The following MAP2 variants were observed in gnomAD, a reference collection of about 807,000 sequenced individuals.
The protein encoded by MAP2 is microtubule-associated protein 2.
MAP2 carries 14 observed loss-of-function variants against 137.6 expected under a neutral mutation model. That is an observed-to-expected ratio of 0.10 (90% CI 0.07 to 0.16). The LOEUF is 0.16. MAP2 is among the 10% of genes least tolerant of loss of function. The pLI is 1.00. For missense variants in MAP2, 2,088 were observed against 2,191.5 expected (o/e 0.95, Z 0.94); for synonymous variants, 786 against 782.3 (o/e 1.00, Z -0.08).
chr2:209,490,958 C>A (rs995101048), intron 1 of MAP2, among the ~76,000 whole-genome samples: 2 of 152,138 alleles, frequency 1.3e-5, no homozygotes, highest in African/African-American at 4.8e-5. Context: ...ACCCAATATA[C>A]ATCTATAGAA....
chr2:209,458,168 A>G (rs1559187009), intron 1 of MAP2, among the ~76,000 whole-genome samples: 1 of 152,062 alleles, frequency 6.6e-6, no homozygotes, highest in South Asian at 2.1e-4. Flanking sequence ...GCTTGGCTAT[A>G]CTCCCAGAAC....
chr2:209,598,974 G>C (rs1055698031), intron 3 of MAP2, among the ~76,000 whole-genome samples: 1 of 151,876 alleles, frequency 6.6e-6, no homozygotes. Context: ...GTAATGGGAT[G>C]GCTGGGTCAA....
At chr2:209,597,116 C>G (rs1030563559) in intron 3 of MAP2, among the ~76,000 whole-genome samples, 1 of 152,124 alleles carries the variant, frequency 6.6e-6, no homozygotes, top group Non-Finnish European at 1.5e-5. Flanking sequence ...CCACTTCTTC[C>G]TCCTTTCTTC....
intron 1 of MAP2, among the ~76,000 whole-genome samples, chr2:209,461,988 T>TCTAA (rs1702933375): frequency 1.3e-5 from 2 of 152,190 alleles, no homozygotes; most frequent in African/African-American, 4.8e-5. Context: ...CTGGTTTAGA[T>TCTAA]GCCTTTAGCA....
chr2:209,436,449 A>G (rs1401935175), intron 1 of MAP2, among the ~76,000 whole-genome samples: 6 of 151,642 alleles, frequency 4.0e-5, no homozygotes, highest in African/African-American at 1.2e-4. Context: ...ATCATGTTCC[A>G]ATAAAATTTT....
At chr2:209,668,836 A>G (rs2047481740) in intron 5 of MAP2, among the ~76,000 whole-genome samples, 1 of 152,038 alleles carries the variant, frequency 6.6e-6, no homozygotes, top group African/African-American at 2.4e-5. Context: ...GATGGTTCAA[A>G]TTTACTTTAC....
chr2:209,652,622 G>T (rs2094884930), intron 4 of MAP2, among the ~76,000 whole-genome samples: 2 of 152,090 alleles, frequency 1.3e-5, no homozygotes, highest in South Asian at 4.1e-4. Flanking sequence ...GTCTTTTCTA[G>T]ATCTCACTAA....
intron 13 of MAP2, chr2:209,710,620 GCTAT>G (rs2065116207): frequency 5.7e-6 from 1 of 175,464 alleles, no homozygotes; most frequent in South Asian, 1.3e-4. Flanking sequence ...AGCTCATTTG[GCTAT>G]CTTTTAGTGA....
In MAP2 at chr2:209,700,047, A is replaced by C. The variant is rs1025635545; in HGVS notation, c.4523-230A>C. Among the ~76,000 whole-genome samples the C allele has an allele frequency of 2.0e-5, 3 of 152,336 alleles. No homozygotes were observed. The Middle Eastern group carries it at 0.01, about 518-fold the overall frequency. On this transcript the variant is annotated intron_variant, in intron 10 of 15. Transcript: ENST00000682079. ...AAAATTACGTGGTGTGCTTACCTGCACTTTGGTAGACAATGGGTTATATTA... is the reference window on the plus strand; with the variant it reads ...AAAATTACGTGGTGTGCTTACCTGCCCTTTGGTAGACAATGGGTTATATTA...
intron 2 of MAP2, among the ~76,000 whole-genome samples, chr2:209,522,341 A>G (rs2063400979): frequency 6.6e-6 from 1 of 152,154 alleles, no homozygotes; most frequent in Non-Finnish European, 1.5e-5. Context: ...AACTCTAAAA[A>G]CTAGAGTATC....
At chr2:209,553,321 G>T (rs983137511) in intron 2 of MAP2, among the ~76,000 whole-genome samples, 44 of 152,106 alleles carry the variant, frequency 2.9e-4, no homozygotes, top group African/African-American at 9.9e-4. Flanking sequence ...TAAAAAGGAT[G>T]TATTTTTAAG....
At chr2:209,573,968 T>G (rs973019829) in intron 2 of MAP2, among the ~76,000 whole-genome samples, 1 of 152,226 alleles carries the variant, frequency 6.6e-6, no homozygotes, top group South Asian at 2.1e-4. Context: ...TTCACTTTTT[T>G]ATTGCCAAAC....
intron 3 of MAP2, among the ~76,000 whole-genome samples, chr2:209,605,303 G>A (rs1346913162): frequency 3.9e-5 from 6 of 152,024 alleles, no homozygotes; most frequent in Non-Finnish European, 8.8e-5. Flanking sequence ...ATATGTACAA[G>A]AGAACCTCAT....
At chr2:209,643,176 A>G (rs2094160236) in intron 4 of MAP2, among the ~76,000 whole-genome samples, 1 of 152,198 alleles carries the variant, frequency 6.6e-6, no homozygotes, top group Admixed American at 6.5e-5. Flanking sequence ...TAAAATGGAG[A>G]CATGCCTATC....
At chr2:209,709,873 GTCTGACTCTGGT>G in intron 12 of MAP2, 29 bp from the exon 13 acceptor site, 1 of 1,444,828 alleles carries the variant, frequency 6.9e-7, no homozygotes, top group South Asian at 1.2e-5. Context: ...GAGGAGAATT[GTCTGACTCTGGT>G]TTGGTTTTGG....
At position 209,693,947 on chromosome 2, in the gene MAP2, T is replaced by A; in HGVS notation, c.1777T>A (p.Tyr593Asn). Residue 593 changes from tyrosine to asparagine, a missense_variant, in exon 8 of 16, where the codon TAT becomes AAT. Physicochemically the swap from Tyr to Asn is moderately radical, Grantham distance 143 (BLOSUM62 -2). This residue lies in a region of MAP2 where 859 missense variants were observed against 794.5 expected (regional missense o/e 1.08). Coordinates refer to ENST00000682079, the MANE Select transcript of MAP2 (RefSeq NM_001375505.1). ...TKSIEPGSDYYELSDTRESVH... is the reference protein window; with the variant it reads ...TKSIEPGSDYNELSDTRESVH... Reference sequence around the variant, plus strand: ...AAGCATTGAGCCAGGCAGTGATTACTATGAACTGAGTGACACTAGAGAAAG... The same window carrying A: ...AAGCATTGAGCCAGGCAGTGATTACAATGAACTGAGTGACACTAGAGAAAG... The A allele has an allele frequency of 1.2e-6, 2 of 1,613,828 alleles. No individual in the cohort carries two copies. The highest frequency in any genetic ancestry group is 1.7e-6 in the Non-Finnish European group (2 of 1,179,916).
chr2:209,690,519 G>A, intron 7 of MAP2: 1 of 1,081,436 alleles, frequency 9.2e-7, no homozygotes, highest in Non-Finnish European at 1.2e-6. Context: ...TTCTAATGGA[G>A]CTGAAAGTGT....
chr2:209,708,329 A>G (rs531702992), intron 12 of MAP2, among the ~76,000 whole-genome samples: 1 of 152,302 alleles, frequency 6.6e-6, no homozygotes, highest in South Asian at 2.1e-4. Flanking sequence ...GACTTCTCAT[A>G]TCCCATTTCA....
rs190192689 is a variant in MAP2 at position 209,549,257 on chromosome 2, G to T, written c.-171-30779G>T. On this transcript the variant is annotated intron_variant, in intron 2 of 15. Coordinates refer to ENST00000682079, the MANE Select transcript of MAP2 (RefSeq NM_001375505.1). ...ATCACTGGGCAAGGGAAATGGCTGT[G>T]AAGTAGACAGTGGACAGTGTCTACC... is the stretch of plus-strand genomic sequence containing the variant. Among the ~76,000 whole-genome samples, 702 of 152,256 alleles carry T rather than the reference G, an allele frequency of 4.6e-3. 9 individuals carry two copies. The highest frequency in any genetic ancestry group is 0.016 in the African/African-American group (656 of 41,548).
Sources: allele counts gnomAD v4.1 joint callset (sites outside exome capture counted in the v4.1 genomes callset), GRCh38; gene constraint gnomAD v4.1.1; regional missense constraint gnomAD v4.1.1; transcripts MANE v1.5; gene names NCBI Gene and HGNC (gene_info 2026-07-23, HGNC 2026-07-21).